UCK2: variants seen among roughly 807,000 people sequenced by gnomAD.
The protein encoded by UCK2 is uridine-cytidine kinase 2, also known as cytidine monophosphokinase 2.
A neutral mutation model predicts 30.8 loss-of-function variants in UCK2; 6 were observed. The observed-to-expected ratio is 0.19, with a 90% confidence interval of 0.11 to 0.38. The LOEUF (loss-of-function observed/expected upper bound fraction) is 0.38. Ranked by LOEUF, UCK2 falls within the 10% of genes least tolerant of loss-of-function variation. The pLI is 1.00. For synonymous variants in UCK2, 125 were observed against 133.6 expected, an observed-to-expected ratio of 0.94 and a Z score of 0.45; for missense variants, 210 against 339.8, an observed-to-expected ratio of 0.62 and a Z score of 3.00.
chr1:165,906,799 C>A (rs1647678932), intron 6 of UCK2, among the ~76,000 whole-genome samples: 1 of 152,192 alleles, frequency 6.6e-6, no homozygotes, highest in South Asian at 2.1e-4. Flanking sequence ...TTAATTTTCC[C>A]TCCATTTAAA....
chr1:165,841,463 G>A (rs1359953746), intron 1 of UCK2, among the ~76,000 whole-genome samples: 1 of 152,150 alleles, frequency 6.6e-6, no homozygotes, highest in Admixed American at 6.5e-5. Flanking sequence ...GGGGATTACA[G>A]GCGTGAGCCA....
chr1:165,853,042 GCCT>G (rs141237922), intron 1 of UCK2, among the ~76,000 whole-genome samples: 7,491 of 152,170 alleles, frequency 0.049, 323 homozygotes, highest in African/African-American at 0.11. Context: ...GAATATCAAG[GCCT>G]GATCCTTCCT....
rs1655174379 is a variant in UCK2, at chr1:165,870,700, G to A, written c.100-19504G>A. Reference sequence around the variant, plus strand: ...ATCTGTAGGAACCATTTCAAGTGACGTGGAAGGAGGTTATCAAGGTAGGAT... The same window carrying A: ...ATCTGTAGGAACCATTTCAAGTGACATGGAAGGAGGTTATCAAGGTAGGAT... On this transcript the variant is annotated intron_variant, in intron 1 of 6. Coordinates refer to ENST00000367879, the MANE Select transcript of UCK2 (RefSeq NM_012474.5). 2.6e-5 allele frequency among the ~76,000 whole-genome samples: 4 copies of A among 152,204 alleles called. No homozygotes were observed. In the South Asian group the frequency reaches 8.3e-4, roughly 32 times the overall value.
At chr1:165,873,112 G>C (rs759398358) in intron 1 of UCK2, among the ~76,000 whole-genome samples, 1 of 152,092 alleles carries the variant, frequency 6.6e-6, no homozygotes, top group Non-Finnish European at 1.5e-5. Flanking sequence ...ACAAACCAAC[G>C]AACAGAAAAG....
chr1:165,888,642 C>CTTTTTTTTTTT (rs60874109), intron 1 of UCK2, among the ~76,000 whole-genome samples: 21 of 71,022 alleles, frequency 3.0e-4, no homozygotes, highest in Non-Finnish European at 4.2e-4. Context: ...CTTTCTTCTT[C>CTTTTTTTTTTT]TTTTTTTTTT....
chr1:165,859,659 C>T (rs1571276528), intron 1 of UCK2, among the ~76,000 whole-genome samples: 1 of 151,876 alleles, frequency 6.6e-6, no homozygotes, highest in South Asian at 2.1e-4. Context: ...CTTGTCTCTA[C>T]AAAAAAACCC....
chr1:165,886,144 A>G (rs942129316), intron 1 of UCK2, among the ~76,000 whole-genome samples: 2 of 152,104 alleles, frequency 1.3e-5, no homozygotes, highest in Non-Finnish European at 2.9e-5. Flanking sequence ...ATCCTATGGT[A>G]TTTGTCTTTT....
intron 1 of UCK2, among the ~76,000 whole-genome samples, chr1:165,861,456 G>A (rs984722751): frequency 1.2e-4 from 18 of 151,054 alleles, no homozygotes; most frequent in African/African-American, 4.4e-4. Context: ...GTGAAACCCC[G>A]TCTCTACTAA....
At chr1:165,872,017 T>C (rs981431970) in intron 1 of UCK2, among the ~76,000 whole-genome samples, 4 of 143,570 alleles carry the variant, frequency 2.8e-5, no homozygotes, top group Non-Finnish European at 6.0e-5. Flanking sequence ...TTTAGGCATA[T>C]ACATAGTCTT....
chr1:165,905,240 T>C (rs1484342843), intron 5 of UCK2, among the ~76,000 whole-genome samples: 1 of 152,242 alleles, frequency 6.6e-6, no homozygotes, highest in Non-Finnish European at 1.5e-5. Context: ...CCTGGGACTT[T>C]GGGAGGCCCA....
At chr1:165,855,421 A>G (rs982595924) in intron 1 of UCK2, among the ~76,000 whole-genome samples, 3 of 152,100 alleles carry the variant, frequency 2.0e-5, no homozygotes, top group African/African-American at 7.2e-5. Context: ...CAGTTTTTTT[A>G]ACACATTTCA....
rs185255331 is a variant in UCK2, at chr1:165,875,867, G to T, written c.100-14337G>T. On this transcript the variant is annotated intron_variant, in intron 1 of 6. Transcript: ENST00000367879. ...AACTCCCTGTACCCAGCTTTCTTGG[G>T]TTTTTTGGAAACGTTCCTTCCTACA... Among the ~76,000 whole-genome samples the T allele has an allele frequency of 4.5e-4, 68 of 152,214 alleles. 1 individual carries two copies. The East Asian group carries it at 0.012, about 27-fold the overall frequency.
chr1:165,871,919 A>G (rs746342490), intron 1 of UCK2, among the ~76,000 whole-genome samples: 3 of 152,228 alleles, frequency 2.0e-5, no homozygotes, highest in Non-Finnish European at 4.4e-5. Context: ...AAGAGCTTTT[A>G]TAAATCAATA....
intron 1 of UCK2, among the ~76,000 whole-genome samples, chr1:165,859,226 C>T (rs1654827317): frequency 6.6e-6 from 1 of 151,956 alleles, no homozygotes; most frequent in Non-Finnish European, 1.5e-5. Flanking sequence ...AGGCTGCTGG[C>T]AACCTGGGAA....
intron 1 of UCK2, among the ~76,000 whole-genome samples, chr1:165,830,022 T>C (rs1654004457): frequency 6.6e-6 from 1 of 152,148 alleles, no homozygotes; most frequent in South Asian, 2.1e-4. Context: ...TGTTTTGTTT[T>C]TGAGACAGGG....
At chr1:165,880,546 T>G (rs1050200641) in intron 1 of UCK2, among the ~76,000 whole-genome samples, 1 of 125,976 alleles carries the variant, frequency 7.9e-6, no homozygotes, top group African/African-American at 2.9e-5. Context: ...CAAGCCTAGA[T>G]CCATTCAGTT....
intron 1 of UCK2, among the ~76,000 whole-genome samples, chr1:165,849,430 G>A (rs1654537760): frequency 6.6e-6 from 1 of 152,066 alleles, no homozygotes; most frequent in Non-Finnish European, 1.5e-5. Context: ...TTCTCTATGG[G>A]GCTGCAGTCA....
At position 165,890,317 on chromosome 1, in the gene UCK2, G is replaced by A. The variant is rs1655733909; in HGVS notation, c.213G>A (p.Glu71=). Residue 71 remains glutamate, a synonymous_variant, in exon 2 of 7, where the codon GAG becomes GAA. Coordinates refer to ENST00000367879, the MANE Select transcript of UCK2 (RefSeq NM_012474.5). ...GCTTCTACCGTGTCCTTACCTCGGA[G>A]CAGAAGGCCAAAGCCCTGAAGGGCC... The part of the protein sequence containing the change: ...QDSFYRVLTS[E]QKAKALKGQF... 1 of 1,614,156 alleles carries A rather than the reference G, an allele frequency of 6.2e-7. No individual in the cohort carries two copies.
At chr1:165,827,994 C>CCGG in intron 1 of UCK2, 62 bp downstream of exon 1, 1 of 1,200,038 alleles carries the variant, frequency 8.3e-7, no homozygotes, top group Non-Finnish European at 1.1e-6. Context: ...GCGCATGTGG[C>CCGG]CGGCGGCCGC....
Sources: allele counts gnomAD v4.1 joint callset (sites outside exome capture counted in the v4.1 genomes callset), GRCh38; gene constraint gnomAD v4.1.1; transcripts MANE v1.5; gene names NCBI Gene and HGNC (gene_info 2026-07-23, HGNC 2026-07-21).